Variants in CCSER1 observed in about 807,000 individuals in gnomAD.
CCSER1 encodes the protein serine-rich coiled-coil domain-containing protein 1.
A neutral mutation model predicts 82.0 loss-of-function variants in CCSER1; 41 were observed. That is an observed-to-expected ratio of 0.50 (90% confidence interval 0.39 to 0.65). The LOEUF (loss-of-function observed/expected upper bound fraction) is 0.65, where lower values mean the gene tolerates loss of function less well. CCSER1 is among the 30% of genes least tolerant of loss of function. The pLI, the probability that CCSER1 is intolerant of heterozygous loss-of-function variation, is 0.00. For synonymous variants in CCSER1, 414 were observed against 383.9 expected (o/e 1.08, Z -0.92); for missense variants, 1,119 against 1,064.2 (o/e 1.05, Z -0.72).
intron 8 of CCSER1, among the ~76,000 whole-genome samples, chr4:90,906,854 A>G (rs866637760): frequency 3.3e-5 from 5 of 152,066 alleles, no homozygotes; most frequent in Admixed American, 1.3e-4. Context: ...AGTCAGTGCC[A>G]TTTTAACTCT....
chr4:90,694,574 A>G (rs1286040294), intron 6 of CCSER1, among the ~76,000 whole-genome samples: 1 of 152,056 alleles, frequency 6.6e-6, no homozygotes, highest in Non-Finnish European at 1.5e-5. Context: ...TGTTTTGTGC[A>G]ATTGCTCAAA....
chr4:90,143,313 C>T (rs970077738), intron 1 of CCSER1, among the ~76,000 whole-genome samples: 1 of 152,136 alleles, frequency 6.6e-6, no homozygotes, highest in African/African-American at 2.4e-5. Context: ...ATTTTAAACT[C>T]TCACTACCAT....
intron 7 of CCSER1, among the ~76,000 whole-genome samples, chr4:90,804,711 C>T (rs1171624017): frequency 3.3e-5 from 5 of 152,068 alleles, no homozygotes; most frequent in Non-Finnish European, 7.4e-5. Context: ...TAGTCTTAAA[C>T]AATGAGATAA....
In CCSER1 at chr4:91,424,307, G is replaced by A. The variant is rs532934616; in HGVS notation, c.2218-174265G>A. Among the ~76,000 whole-genome samples, 29 of 152,056 alleles carry A rather than the reference G, an allele frequency of 1.9e-4. No individual in the cohort carries two copies. In the East Asian group the frequency reaches 5.4e-3, roughly 28 times the overall value. ...GCTGGGATTACAGGCGTGAGCCACC[G>A]CGCCCGGCCAAGAACTCAGCAGATC... On this transcript the variant is annotated intron_variant, in intron 10 of 10. Coordinates refer to ENST00000509176, the MANE Select transcript of CCSER1 (RefSeq NM_001145065.2).
intron 7 of CCSER1, among the ~76,000 whole-genome samples, chr4:90,774,625 A>T (rs1247087576): frequency 6.6e-6 from 1 of 152,022 alleles, no homozygotes; most frequent in Non-Finnish European, 1.5e-5. Flanking sequence ...TTTTTGCTAG[A>T]TTGTGTCATG....
At chr4:90,325,550 G>A (rs1022729018) in intron 3 of CCSER1, 4 of 331,968 alleles carry the variant, frequency 1.2e-5, no homozygotes, top group South Asian at 9.4e-5. Context: ...AACTGAATGG[G>A]CTGGGACAGC....
chr4:90,736,532 CTT>C (rs1310722537), intron 7 of CCSER1, among the ~76,000 whole-genome samples: 2 of 151,886 alleles, frequency 1.3e-5, no homozygotes, highest in African/African-American at 4.8e-5. Context: ...TAGTCCTGCT[CTT>C]GTTTCCATTT....
chr4:90,282,488 A>G (rs964742847), intron 1 of CCSER1, among the ~76,000 whole-genome samples: 6 of 151,368 alleles, frequency 4.0e-5, no homozygotes, highest in East Asian at 3.9e-4. Flanking sequence ...GTTAATTTCT[A>G]TAATGCAATC....
chr4:90,411,392 T>C (rs989931125), intron 4 of CCSER1, among the ~76,000 whole-genome samples: 3 of 152,166 alleles, frequency 2.0e-5, no homozygotes, highest in Admixed American at 6.5e-5. Context: ...ACTGGCAAAC[T>C]GAATCCAGCA....
Position 91,051,203 on chromosome 4 carries a change from C to G in CCSER1, c.2173-34747C>G, listed in dbSNP as rs142290991. 7.7e-3 allele frequency among the ~76,000 whole-genome samples: 1,176 copies of G among 151,922 alleles called. 17 individuals are homozygous for G. The highest frequency in any genetic ancestry group is 0.027 in the African/African-American group (1,106 of 41,416). On this transcript the variant is annotated intron_variant, in intron 9 of 10. Transcript: ENST00000509176. ...CATATAATATTCAAATAACTATTAC[C>G]AAATATCAAGGAGACAATGAGCCCA...
At chr4:90,169,099 T>A (rs1171115944) in intron 1 of CCSER1, among the ~76,000 whole-genome samples, 1 of 152,114 alleles carries the variant, frequency 6.6e-6, no homozygotes, top group Non-Finnish European at 1.5e-5. Flanking sequence ...TGATTCTTCC[T>A]ACCCATGAGC....
chr4:90,590,722 C>A (rs185401703), intron 5 of CCSER1, among the ~76,000 whole-genome samples: 1 of 152,054 alleles, frequency 6.6e-6, no homozygotes, highest in Non-Finnish European at 1.5e-5. Context: ...AGTTTGAAGT[C>A]GCGTAGCATG....
intron 10 of CCSER1, among the ~76,000 whole-genome samples, chr4:91,245,452 T>A (rs1357017506): frequency 6.6e-6 from 1 of 152,032 alleles, no homozygotes; most frequent in Non-Finnish European, 1.5e-5. Flanking sequence ...AATAGCAGAC[T>A]TTTAGTGGAA....
intron 10 of CCSER1, among the ~76,000 whole-genome samples, chr4:91,326,464 A>G (rs143394817): frequency 6.6e-6 from 1 of 152,160 alleles, no homozygotes; most frequent in East Asian, 1.9e-4. Flanking sequence ...ATCTGCCTTC[A>G]TGATCCAATC....
intron 10 of CCSER1, among the ~76,000 whole-genome samples, chr4:91,154,263 C>G (rs964521047): frequency 1.3e-5 from 2 of 152,058 alleles, no homozygotes; most frequent in Admixed American, 1.3e-4. Context: ...TCTCAGACTG[C>G]TGTGCTAGCA....
intron 1 of CCSER1, among the ~76,000 whole-genome samples, chr4:90,146,242 A>C (rs778953174): frequency 3.3e-5 from 5 of 152,082 alleles, no homozygotes; most frequent in Admixed American, 6.6e-5. Flanking sequence ...CAGATGTAGA[A>C]TTTTAATCTA....
intron 10 of CCSER1, among the ~76,000 whole-genome samples, chr4:91,549,385 C>G (rs1022669712): frequency 1.3e-5 from 2 of 151,920 alleles, no homozygotes; most frequent in Non-Finnish European, 2.9e-5. Context: ...CATTCTCTTC[C>G]AGCTGTGTTT....
At chr4:90,583,530 C>T (rs1579297622) in intron 5 of CCSER1, among the ~76,000 whole-genome samples, 1 of 152,054 alleles carries the variant, frequency 6.6e-6, no homozygotes, top group African/African-American at 2.4e-5. Flanking sequence ...TTTAGAAATA[C>T]ATTTTTATAG....
intron 6 of CCSER1, among the ~76,000 whole-genome samples, chr4:90,635,754 A>G (rs1470488548): frequency 6.6e-5 from 10 of 151,886 alleles, no homozygotes; most frequent in Non-Finnish European, 1.2e-4. Context: ...ATATTTCAAA[A>G]TAGCTAGAAG....
Sources: allele counts gnomAD v4.1 joint callset (sites outside exome capture counted in the v4.1 genomes callset), GRCh38; gene constraint gnomAD v4.1.1; transcripts MANE v1.5; gene names NCBI Gene and HGNC (gene_info 2026-07-23, HGNC 2026-07-21).